The following SUMF1 variants were observed in gnomAD, a reference collection of about 807,000 sequenced individuals.
SUMF1 encodes sulfatase modifying factor 1.
In SUMF1, 48 loss-of-function variants were observed where a neutral mutation model predicts 47.6. The ratio of observed to expected loss-of-function variants is 1.01; its 90% CI spans 0.80 to 1.28. The LOEUF is 1.28. Ranked by LOEUF, SUMF1 falls within the 50% of genes most tolerant of loss-of-function variation. The pLI is 0.00. For missense variants in SUMF1, 571 were observed against 485.4 expected, an observed-to-expected ratio of 1.18 and a Z score of -1.66; for synonymous variants, 230 against 192.1, an observed-to-expected ratio of 1.20 and a Z score of -1.63.
rs531996348 is a variant in SUMF1 at position 4,259,006 on chromosome 3, C to T, written c.1014+117324G>A. ...GAGATCATCATTCTCAGTAAACTAT[C>T]GCAAGAACAAAAAACCAAACACCGC... On this transcript the variant is annotated intron_variant and NMD_transcript_variant, in intron 8 of 12. Transcript: ENST00000448413. Among the ~76,000 whole-genome samples, 5 of 148,966 alleles carry T rather than the reference C, an allele frequency of 3.4e-5. No homozygotes were observed. In the South Asian group the frequency reaches 6.3e-4, roughly 19 times the overall value.
intron 8 of SUMF1, among the ~76,000 whole-genome samples, chr3:4,370,849 T>A (rs1700147207): frequency 1.3e-5 from 2 of 152,176 alleles, no homozygotes; most frequent in East Asian, 3.8e-4. Context: ...TAATGAAAAG[T>A]TTAAAATCAG....
At chr3:4,128,321 G>T (rs1367301054) in intron 8 of SUMF1, among the ~76,000 whole-genome samples, 1 of 152,136 alleles carries the variant, frequency 6.6e-6, no homozygotes, top group Non-Finnish European at 1.5e-5. Flanking sequence ...CTGAAACTTG[G>T]AATGGGGATG....
At chr3:4,394,770 T>C (rs1242767837) in intron 7 of SUMF1, among the ~76,000 whole-genome samples, 1 of 152,154 alleles carries the variant, frequency 6.6e-6, no homozygotes, top group Admixed American at 6.5e-5. Context: ...TGACCCTATA[T>C]CCTCCTTTAG....
At chr3:4,308,978 G>A (rs1698300061) in intron 8 of SUMF1, among the ~76,000 whole-genome samples, 1 of 152,204 alleles carries the variant, frequency 6.6e-6, no homozygotes, top group East Asian at 1.9e-4. Flanking sequence ...ACATTTTAGG[G>A]AGACATGAGA....
At chr3:4,183,013 T>G (rs1012737284) in intron 8 of SUMF1, among the ~76,000 whole-genome samples, 3 of 152,136 alleles carry the variant, frequency 2.0e-5, no homozygotes, top group Admixed American at 2.0e-4. Flanking sequence ...GGGTTTAATG[T>G]GTGACCATAT....
At chr3:4,432,764 T>C (rs1702273967) in intron 3 of SUMF1, among the ~76,000 whole-genome samples, 1 of 152,222 alleles carries the variant, frequency 6.6e-6, no homozygotes, top group Admixed American at 6.5e-5. Context: ...CTGTTCCTTA[T>C]TAGAATTATA....
At chr3:4,111,819 G>A (rs1011515955) in intron 8 of SUMF1, among the ~76,000 whole-genome samples, 4 of 152,100 alleles carry the variant, frequency 2.6e-5, no homozygotes, top group Non-Finnish European at 5.9e-5. Flanking sequence ...CGTAAAAGGT[G>A]TTTTAGTATG....
At position 4,366,334 on chromosome 3, in the gene SUMF1, C is replaced by A. The variant is rs146438761; in HGVS notation, c.1015-4080G>T. On this transcript the variant is annotated intron_variant, in intron 8 of 8. Coordinates refer to ENST00000272902, the MANE Select transcript of SUMF1 (RefSeq NM_182760.4). ...TGTTTCCAACTTGGTTCCATTCTCC[C>A]CGTCACTTTCAGGTACACCCATCAG... 3.1e-3 allele frequency among the ~76,000 whole-genome samples: 478 copies of A among 152,316 alleles called. 4 individuals are homozygous for A. The highest frequency in any genetic ancestry group is 0.011 in the African/African-American group (455 of 41,558).
intron 8 of SUMF1, chr3:4,314,481 A>G (rs1429184600): frequency 6.6e-6 from 1 of 152,216 alleles, no homozygotes; most frequent in Non-Finnish European, 1.5e-5. Flanking sequence ...TAAAACCCTA[A>G]TAAGTACTAC....
chr3:4,159,899 G>GATATCCTGGCACT (rs1559521751), intron 8 of SUMF1, among the ~76,000 whole-genome samples: 1 of 152,074 alleles, frequency 6.6e-6, no homozygotes, highest in Non-Finnish European at 1.5e-5. Context: ...GGCCTATACA[G>GATATCCTGGCACT]TTTCCACTGA....
At chr3:4,118,726 G>A (rs931920754) in intron 8 of SUMF1, among the ~76,000 whole-genome samples, 4 of 152,022 alleles carry the variant, frequency 2.6e-5, no homozygotes, top group African/African-American at 9.7e-5. Context: ...TGTAACATTT[G>A]TCATGTGACC....
intron 8 of SUMF1, among the ~76,000 whole-genome samples, chr3:4,193,319 T>C (rs1157483301): frequency 1.3e-5 from 2 of 152,148 alleles, no homozygotes; most frequent in African/African-American, 4.8e-5. Context: ...CTAGTCCTGA[T>C]TGATGGCCTT....
At chr3:4,254,033 C>T (rs1390995169) in intron 8 of SUMF1, among the ~76,000 whole-genome samples, 1 of 151,170 alleles carries the variant, frequency 6.6e-6, no homozygotes, top group Non-Finnish European at 1.5e-5. Flanking sequence ...GGTATTCCAA[C>T]AGACCTGCAG....
At chr3:4,467,269 CG>C (rs748391215), upstream of SUMF1, 2 of 1,600,024 alleles carry the variant, frequency 1.2e-6, no homozygotes, top group African/African-American at 2.7e-5. Flanking sequence ...CCATGTGACC[CG>C]GTTGGTCACG....
intron 8 of SUMF1, among the ~76,000 whole-genome samples, chr3:4,253,511 G>A (rs1445137082): frequency 6.6e-6 from 1 of 151,848 alleles, no homozygotes; most frequent in African/African-American, 2.4e-5. Context: ...GGACGCACCT[G>A]GAAAATCGGG....
chr3:4,059,796 GA>G (rs35902458), intron 9 of SUMF1, among the ~76,000 whole-genome samples: 3,462 of 122,882 alleles, frequency 0.028, 114 homozygotes, highest in African/African-American at 0.089. Flanking sequence ...TGTCCCTGTG[GA>G]AAAAAAAAAA....
chr3:4,346,636 A>G lies in SUMF1; in HGVS notation c.1014+29694T>C, dbSNP rs138331573. Among the ~76,000 whole-genome samples, 734 of 152,292 alleles carry G rather than the reference A, an allele frequency of 4.8e-3. 7 individuals are homozygous for G. The highest frequency in any genetic ancestry group is 0.017 in the African/African-American group (708 of 41,560). On this transcript the variant is annotated intron_variant and NMD_transcript_variant, in intron 8 of 12. Coordinates refer to the SUMF1 transcript ENST00000448413. ...TAAAAGAGCTAGAGAGGCAAGAGCA[A>G]GCTAATCCAAAAACCAGCAGAAGAC...
At chr3:4,231,674 C>T (rs1696302146) in intron 8 of SUMF1, among the ~76,000 whole-genome samples, 1 of 152,128 alleles carries the variant, frequency 6.6e-6, no homozygotes, top group Admixed American at 6.5e-5. Flanking sequence ...GTTAAGAAAT[C>T]ACTGTTCCTT....
At chr3:4,050,732 G>T (rs574439184) in intron 9 of SUMF1, among the ~76,000 whole-genome samples, 1 of 122,434 alleles carries the variant, frequency 8.2e-6, no homozygotes, top group South Asian at 2.7e-4. Context: ...TGGGCAACCA[G>T]AGTGAGACCC....
Sources: gnomAD v4.1 joint callset for allele counts (sites outside exome capture counted in the v4.1 genomes callset) on GRCh38, gnomAD v4.1.1 for gene constraint, MANE v1.5 for transcripts, NCBI Gene and HGNC (gene_info 2026-07-23, HGNC 2026-07-21) for gene names.